The following KDM4C variants were observed in gnomAD, a reference collection of about 807,000 sequenced individuals.
The protein encoded by KDM4C is lysine demethylase 4C, also known as lysine-specific demethylase 4C.
Under a neutral mutation model 129.3 loss-of-function variants are expected in KDM4C, and 81 were observed. That is an observed-to-expected ratio of 0.63 (90% CI 0.52 to 0.75). The LOEUF is 0.75. Among genes scored for constraint, KDM4C ranks in the 30% least tolerant of loss-of-function variants. The pLI, the probability that KDM4C is intolerant of heterozygous loss-of-function variation, is 0.00. For missense variants in KDM4C, 1,457 were observed against 1,304.0 expected, an observed-to-expected ratio of 1.12 and a Z score of -1.81; for synonymous variants, 573 against 456.1, an observed-to-expected ratio of 1.26 and a Z score of -3.26.
chr9:7,070,009 A>G (rs1356968804), intron 17 of KDM4C, among the ~76,000 whole-genome samples: 3 of 152,228 alleles, frequency 2.0e-5, no homozygotes, highest in Non-Finnish European at 4.4e-5. Flanking sequence ...GTGGAGATAA[A>G]TGAAATAAAA....
intron 17 of KDM4C, among the ~76,000 whole-genome samples, chr9:7,049,443 C>T (rs1335934833): frequency 2.0e-5 from 3 of 151,998 alleles, no homozygotes; most frequent in African/African-American, 7.3e-5. Flanking sequence ...TAATACATTT[C>T]CTGAATTAAT....
chr9:6,837,921 A>G (rs763393699), intron 4 of KDM4C, among the ~76,000 whole-genome samples: 2 of 152,030 alleles, frequency 1.3e-5, no homozygotes, highest in Non-Finnish European at 2.9e-5. Flanking sequence ...ATAATGTTGC[A>G]TATTCTATCC....
rs534859295 is a variant in KDM4C, at chr9:6,831,633, C to T, written c.435+16888C>T. Among the ~76,000 whole-genome samples the T allele has an allele frequency of 2.2e-4, 34 of 152,230 alleles. No individual in the cohort carries two copies. In the Middle Eastern group the frequency reaches 0.01, roughly 46 times the overall value. ...CTGGGATTACAGGTGTAAGCCAGCGCACCCGGCCTATGATGAGATCTTTAC... is the reference window on the plus strand; with the variant it reads ...CTGGGATTACAGGTGTAAGCCAGCGTACCCGGCCTATGATGAGATCTTTAC... On this transcript the variant is annotated intron_variant, in intron 4 of 21. Transcript: ENST00000381309.
intron 8 of KDM4C, among the ~76,000 whole-genome samples, chr9:6,931,402 A>G (rs543423433): frequency 6.6e-6 from 1 of 152,308 alleles, no homozygotes; most frequent in South Asian, 2.1e-4. Context: ...AGGACATTTT[A>G]TGTACTTAAA....
intron 1 of KDM4C, among the ~76,000 whole-genome samples, chr9:6,776,823 C>CA (rs1374135263): frequency 3.8e-4 from 57 of 148,438 alleles, no homozygotes; most frequent in African/African-American, 1.3e-3. Context: ...CAGTGGGTCT[C>CA]AAACTCCTGA....
At chr9:6,981,738 T>G (rs535369937) in intron 9 of KDM4C, 1 of 177,960 alleles carries the variant, frequency 5.6e-6, no homozygotes, top group Admixed American at 6.1e-5. Context: ...GAATAGGGTG[T>G]GTGTGGTGTT....
intron 15 of KDM4C, among the ~76,000 whole-genome samples, chr9:7,019,791 T>TTTTATATATAAAAATATTATATTTTTATA (rs1257518354): frequency 3.4e-5 from 2 of 58,502 alleles, no homozygotes; most frequent in African/African-American, 5.8e-5. Context: ...TAAAAATATT[T>TTTTATATATAAAAATATTATATTTTTATA]TAGAAGCAAA....
intron 5 of KDM4C, among the ~76,000 whole-genome samples, chr9:6,869,798 C>T (rs1418460801): frequency 2.0e-5 from 3 of 152,236 alleles, no homozygotes; most frequent in Admixed American, 6.5e-5. Context: ...TGGCAGCCTG[C>T]CTGCAGCATC....
At chr9:7,132,789 TG>T (rs1809032185) in intron 19 of KDM4C, among the ~76,000 whole-genome samples, 1 of 152,200 alleles carries the variant, frequency 6.6e-6, no homozygotes, top group South Asian at 2.1e-4. Context: ...TCCTTTCCTC[TG>T]AACTTTGAGC....
chr9:6,779,032 C>CTTT (rs60503128), intron 1 of KDM4C, among the ~76,000 whole-genome samples: 1 of 94,624 alleles, frequency 1.1e-5, no homozygotes, highest in Non-Finnish European at 1.9e-5. Flanking sequence ...TGATTAAAGT[C>CTTT]TTTTTTTTTT....
chr9:7,037,672 T>C (rs748245217), intron 15 of KDM4C, among the ~76,000 whole-genome samples: 8 of 152,140 alleles, frequency 5.3e-5, no homozygotes, highest in Non-Finnish European at 1.2e-4. Flanking sequence ...TCAGGAAAAG[T>C]ACAAAACTGT....
At position 6,855,458 on chromosome 9, in the gene KDM4C, CAAAAAAAAAAAAAA is replaced by C. The variant is rs34177301; in HGVS notation, c.629+5772_629+5785del. ...TGGGGAACACAGTGAGACTCCGTCT[CAAAAAAAAAAAAAA>C]AAAAAAAAAAAAAGGAACCCAATTT... On this transcript the variant is annotated intron_variant, in intron 5 of 21. Coordinates refer to ENST00000381309, the MANE Select transcript of KDM4C (RefSeq NM_015061.6). 2.3e-4 allele frequency among the ~76,000 whole-genome samples: 16 copies of C among 70,088 alleles called. No individual in the cohort carries two copies. The East Asian group carries it at 4.3e-3, about 19-fold the overall frequency. The allele number at this position is 70,088 out of a possible 152,430, so 46.0% of individuals were successfully genotyped here. A position where few individuals can be genotyped will look rare whatever the true frequency, so the allele number is the denominator to read the frequency against.
At chr9:6,885,955 T>C (rs1012078323) in intron 6 of KDM4C, among the ~76,000 whole-genome samples, 15 of 152,256 alleles carry the variant, frequency 9.9e-5, no homozygotes, top group African/African-American at 3.4e-4. Flanking sequence ...CAAATCTATA[T>C]TGAAAGAAAA....
chr9:6,889,250 T>TGTGTGTGTGTGTGTG (rs1554627898), intron 7 of KDM4C, among the ~76,000 whole-genome samples: 3 of 28,250 alleles, frequency 1.1e-4, no homozygotes, highest in Non-Finnish European at 1.6e-4. Flanking sequence ...TGTGTGTGTG[T>TGTGTGTGTGTGTGTG]GGGAGGGTGG....
chr9:6,903,462 G>C lies in KDM4C; in HGVS notation c.921+10230G>C, dbSNP rs934071079. Among the ~76,000 whole-genome samples the C allele has an allele frequency of 9.1e-4, 139 of 152,242 alleles. 1 individual carries two copies. The highest frequency in any genetic ancestry group is 3.2e-3 in the African/African-American group (131 of 41,544). The stretch of plus-strand genomic sequence containing the variant: ...TGTTCTCTTGGCAGGAATATGATTG[G>C]AGTAAGCATCCTGAAGAGAAGGTGG... On this transcript the variant is annotated intron_variant, in intron 8 of 21. Coordinates refer to ENST00000381309, the MANE Select transcript of KDM4C (RefSeq NM_015061.6).
At chr9:6,770,405 T>A (rs1385246620) in intron 1 of KDM4C, among the ~76,000 whole-genome samples, 3 of 152,178 alleles carry the variant, frequency 2.0e-5, no homozygotes, top group Non-Finnish European at 4.4e-5. Context: ...GTTTCCTATT[T>A]CATTTTGTAG....
intron 8 of KDM4C, among the ~76,000 whole-genome samples, chr9:6,958,021 GA>G (rs1218909268): frequency 1.1e-4 from 17 of 152,020 alleles, no homozygotes; most frequent in African/African-American, 4.1e-4. Flanking sequence ...CTCCGAGGGA[GA>G]GAACAATTGT....
chr9:6,908,262 G>T (rs1338596914), intron 8 of KDM4C, among the ~76,000 whole-genome samples: 1 of 152,194 alleles, frequency 6.6e-6, no homozygotes, highest in Non-Finnish European at 1.5e-5. Flanking sequence ...TTGAAGTGCT[G>T]TCTTTTGTGA....
chr9:7,141,925 G>A (rs1841784678), intron 19 of KDM4C, among the ~76,000 whole-genome samples: 1 of 151,946 alleles, frequency 6.6e-6, no homozygotes, highest in Non-Finnish European at 1.5e-5. Context: ...TCTCTAAATG[G>A]ATGTGTCATC....
Sources: allele counts gnomAD v4.1 joint callset (sites outside exome capture counted in the v4.1 genomes callset), GRCh38; gene constraint gnomAD v4.1.1; transcripts MANE v1.5; gene names NCBI Gene and HGNC (gene_info 2026-07-23, HGNC 2026-07-21).